PSME4: variants seen among roughly 807,000 people sequenced by gnomAD.
PSME4 encodes the protein proteasome activator complex subunit 4.
In PSME4, 89 loss-of-function variants were observed where a neutral mutation model predicts 253.9. That is an observed-to-expected ratio of 0.35 (90% CI 0.30 to 0.42). The LOEUF (loss-of-function observed/expected upper bound fraction) is 0.42, where lower values mean the gene tolerates loss of function less well. Ranked by LOEUF, PSME4 falls within the 10% of genes least tolerant of loss-of-function variation. The probability of loss-of-function intolerance (pLI) is 1.00; values close to 1 mark genes in which losing one functional copy is unlikely to be tolerated. For missense variants in PSME4, 2,014 were observed against 2,195.2 expected (o/e 0.92, Z 1.65); for synonymous variants, 851 against 759.2 (o/e 1.12, Z -1.99).
chr2:53,896,592 G>C (rs1302427959), intron 32 of PSME4, among the ~76,000 whole-genome samples: 1 of 152,274 alleles, frequency 6.6e-6, no homozygotes, highest in Admixed American at 6.5e-5. Context: ...TAGTAGGTGA[G>C]ATAAATATGA....
intron 16 of PSME4, 140 bp from the exon 17 acceptor site, chr2:53,922,724 C>G: frequency 8.9e-7 from 1 of 1,122,130 alleles, no homozygotes; most frequent in South Asian, 1.8e-5. Context: ...CTTCATGAAG[C>G]TGAGCTTGTT....
At chr2:53,965,958 C>T (rs1284604123) in intron 1 of PSME4, among the ~76,000 whole-genome samples, 1 of 152,082 alleles carries the variant, frequency 6.6e-6, no homozygotes, top group Non-Finnish European at 1.5e-5. Flanking sequence ...AGGCGTGAGC[C>T]GCCACGCCCA....
In PSME4 at chr2:53,888,744, T is replaced by C; in HGVS notation, c.4365A>G (p.Glu1455=). 6.2e-7 allele frequency: 1 copy of C among 1,612,086 alleles called. No individual in the cohort carries two copies. The change falls in exon 38 of 47, where the codon GAA becomes GAG. Residue 1455 remains glutamate, a synonymous_variant. Coordinates refer to ENST00000404125, the MANE Select transcript of PSME4 (RefSeq NM_014614.3). ...ELLLESPLSG[E]GGSFVDACRL... is the part of the protein sequence containing the mutation. ...ACCATGCATCTACAAAGGATCCTCC[T>C]TCACCACTCAATGGTGATTCCAACA...
intron 1 of PSME4, among the ~76,000 whole-genome samples, chr2:53,955,172 C>A (rs375951648): frequency 2.6e-5 from 4 of 151,860 alleles, no homozygotes; most frequent in African/African-American, 9.7e-5. Context: ...CCCTGACTCT[C>A]CAAAAATAAA....
intron 20 of PSME4, among the ~76,000 whole-genome samples, chr2:53,916,596 G>C (rs1668074757): frequency 1.3e-5 from 2 of 152,202 alleles, no homozygotes; most frequent in African/African-American, 4.8e-5. Context: ...AGAACAATGG[G>C]ACCATTTATT....
chr2:53,923,853 G>A (rs1268459007), intron 14 of PSME4, among the ~76,000 whole-genome samples: 1 of 148,574 alleles, frequency 6.7e-6, no homozygotes, highest in Non-Finnish European at 1.5e-5. Flanking sequence ...AACCCGGGAG[G>A]TGGAGGTTGC....
chr2:53,970,900 G>A lies in PSME4; in HGVS notation c.-116C>T, dbSNP rs1345566996. 6.9e-6 allele frequency: 6 copies of A among 874,928 alleles called. No individual in the cohort carries two copies. In the Admixed American group the frequency reaches 1.2e-4, roughly 18 times the overall value. 54.2% of individuals were successfully genotyped at this position (874,928 alleles called of 1,614,324 possible). On this transcript the variant is annotated 5_prime_UTR_variant, in exon 1 of 47. Coordinates refer to ENST00000404125, the MANE Select transcript of PSME4 (RefSeq NM_014614.3). ...GCCCTGCGGCCGCTGGCGGCCCGTC[G>A]CCCTCGGACCGATCGCTAGGCCCCC...
At chr2:53,921,405 C>A (rs1668309450) in intron 17 of PSME4, among the ~76,000 whole-genome samples, 2 of 151,542 alleles carry the variant, frequency 1.3e-5, no homozygotes, top group South Asian at 4.2e-4. Flanking sequence ...CGCCACCATG[C>A]CCAGATAATT....
chr2:53,922,609 G>A (rs767782546), intron 16 of PSME4, 25 bp from the exon 17 acceptor site: 8 of 1,604,020 alleles, frequency 5.0e-6, no homozygotes, highest in Middle Eastern at 3.3e-4. Context: ...ATACTATTAG[G>A]GGGAAAAACC....
At chr2:53,954,837 CA>C (rs879278068) in intron 1 of PSME4, among the ~76,000 whole-genome samples, 1,668 of 136,858 alleles carry the variant, frequency 0.012, 31 homozygotes, top group African/African-American at 0.04. Flanking sequence ...AGACCTGTCT[CA>C]AAAAAAAAAA....
intron 20 of PSME4, among the ~76,000 whole-genome samples, chr2:53,912,647 G>A (rs1251572655): frequency 1.3e-5 from 2 of 151,964 alleles, no homozygotes; most frequent in Non-Finnish European, 2.9e-5. Flanking sequence ...TTACTTTTTG[G>A]TAGAGACAGG....
chr2:53,967,383 G>A (rs1168184204), intron 1 of PSME4, among the ~76,000 whole-genome samples: 1 of 151,864 alleles, frequency 6.6e-6, no homozygotes, highest in African/African-American at 2.4e-5. Flanking sequence ...CTGGGGCGGT[G>A]GCTCAGCCTG....
chr2:53,966,274 ACT>A (rs927196965), intron 1 of PSME4, among the ~76,000 whole-genome samples: 235 of 152,192 alleles, frequency 1.5e-3, no homozygotes, highest in African/African-American at 5.4e-3. Flanking sequence ...ACAGAGCGAG[ACT>A]CTGTCTCAAA....
At chr2:53,900,116 C>G in intron 28 of PSME4, 99 bp from the exon 29 acceptor site, 1 of 1,055,924 alleles carries the variant, frequency 9.5e-7, no homozygotes, top group Non-Finnish European at 1.4e-6. Context: ...AGGCCAGACA[C>G]AAAAGTCCAC....
chr2:53,963,698 A>C (rs1670593226), intron 1 of PSME4, among the ~76,000 whole-genome samples: 1 of 152,232 alleles, frequency 6.6e-6, no homozygotes, highest in African/African-American at 2.4e-5. Context: ...AGTAAACCTT[A>C]GGCAAAAAAA....
At chr2:53,879,821 G>T (rs1194876540) in intron 41 of PSME4, among the ~76,000 whole-genome samples, 1 of 110,908 alleles carries the variant, frequency 9.0e-6, no homozygotes, top group Non-Finnish European at 2.0e-5. Context: ...AAAAAAAAAA[G>T]GAAAAGGAAA....
intron 13 of PSME4, 69 bp downstream of exon 13, chr2:53,925,890 A>T (rs1463262425): frequency 6.7e-7 from 1 of 1,485,358 alleles, no homozygotes; most frequent in Non-Finnish European, 9.4e-7. Flanking sequence ...GAAATAAACT[A>T]AACTTTCTGG....
intron 21 of PSME4, among the ~76,000 whole-genome samples, chr2:53,909,335 C>T (rs1667715722): frequency 6.6e-6 from 1 of 151,954 alleles, no homozygotes; most frequent in South Asian, 2.1e-4. Context: ...AGAACATTAA[C>T]AATAAAATGT....
At chr2:53,881,002 A>G (rs1679364766) in intron 41 of PSME4, among the ~76,000 whole-genome samples, 1 of 152,230 alleles carries the variant, frequency 6.6e-6, no homozygotes, top group Non-Finnish European at 1.5e-5. Context: ...ACCATTACGA[A>G]AAAAATGTGT....
Sources: gnomAD v4.1 joint callset for allele counts (sites outside exome capture counted in the v4.1 genomes callset) on GRCh38, gnomAD v4.1.1 for gene constraint, MANE v1.5 for transcripts, NCBI Gene and HGNC (gene_info 2026-07-23, HGNC 2026-07-21) for gene names.